SMCO2: variants seen among roughly 807,000 people sequenced by gnomAD.
The protein encoded by SMCO2 is single-pass membrane protein with coiled-coil domains 2.
In SMCO2, 25 loss-of-function variants were observed where a neutral mutation model predicts 29.5. That is an observed-to-expected ratio of 0.85 (90% CI 0.62 to 1.18). The LOEUF (loss-of-function observed/expected upper bound fraction) is 1.18, where lower values mean the gene tolerates loss of function less well. Ranked by LOEUF, SMCO2 falls within the 50% of genes most tolerant of loss-of-function variation. The probability of loss-of-function intolerance (pLI) is 0.00; values close to 1 mark genes in which losing one functional copy is unlikely to be tolerated. For synonymous variants in SMCO2, 117 were observed against 123.3 expected (o/e 0.95, Z 0.34); for missense variants, 348 against 344.5 (o/e 1.01, Z -0.08).
At chr12:27,472,975 G>A (rs545784938) in intron 3 of SMCO2, 100 bp downstream of exon 3, 5 of 871,630 alleles carry the variant, frequency 5.7e-6, no homozygotes, top group African/African-American at 5.1e-5. Context: ...GAAAATATCT[G>A]AGGGTTTTCT....
the SMCO2 span, among the ~76,000 whole-genome samples, chr12:27,427,501 CCTACCTA>C: frequency 6.6e-6 from 1 of 152,016 alleles, no homozygotes; most frequent in Non-Finnish European, 1.5e-5. Context: ...CCTCAGGAGG[CCTACCTA>C]CTTATTTTGC....
upstream of SMCO2, among the ~76,000 whole-genome samples, chr12:27,462,441 A>G (rs142093538): frequency 4.7e-3 from 713 of 152,336 alleles, 5 homozygotes; most frequent in Middle Eastern, 0.031. Flanking sequence ...ACAATGAATA[A>G]TATTCTCTTT....
chr12:27,477,217 T>G (rs1342659076), intron 4 of SMCO2, among the ~76,000 whole-genome samples: 2 of 115,494 alleles, frequency 1.7e-5, no homozygotes, highest in African/African-American at 9.5e-5. Context: ...CAGGTTTTTT[T>G]TTTTTTTTTT....
intron 3 of SMCO2, among the ~76,000 whole-genome samples, chr12:27,474,462 T>C (rs546264656): frequency 6.6e-6 from 1 of 152,274 alleles, no homozygotes; most frequent in African/African-American, 2.4e-5. Flanking sequence ...TTTTATGACA[T>C]TGATTTTTTT....
chr12:27,479,098 C>T (rs1271162946), intron 4 of SMCO2, among the ~76,000 whole-genome samples: 1 of 152,166 alleles, frequency 6.6e-6, no homozygotes, highest in Non-Finnish European at 1.5e-5. Context: ...ATGGGTGGAG[C>T]AAGTCAGTCC....
chr12:27,469,039 A>G (rs2135542484), intron 1 of SMCO2, among the ~76,000 whole-genome samples: 1 of 152,248 alleles, frequency 6.6e-6, no homozygotes, highest in African/African-American at 2.4e-5. Flanking sequence ...CTCTTGGGGG[A>G]GACATTGAGA....
At chr12:27,488,368 A>C in intron 4 of SMCO2, 92 bp from the exon 6 acceptor site, 1 of 785,778 alleles carries the variant, frequency 1.3e-6, no homozygotes, top group Non-Finnish European at 1.9e-6. Context: ...TTTATATGGG[A>C]ATGGTATTTC....
chr12:27,446,935 C>A, the SMCO2 span, among the ~76,000 whole-genome samples: 1 of 152,152 alleles, frequency 6.6e-6, no homozygotes, highest in African/African-American at 2.4e-5. Context: ...TAGAGATCCT[C>A]TTGAATTGTC....
At chr12:27,485,610 A>AT (rs961262504) in intron 4 of SMCO2, among the ~76,000 whole-genome samples, 2 of 151,462 alleles carry the variant, frequency 1.3e-5, no homozygotes, top group Non-Finnish European at 2.9e-5. Flanking sequence ...TACCTGATTA[A>AT]TTTTTTTAGT....
the SMCO2 span, among the ~76,000 whole-genome samples, chr12:27,435,839 G>T: frequency 6.6e-6 from 1 of 152,162 alleles, no homozygotes; most frequent in African/African-American, 2.4e-5. Flanking sequence ...CCTCAGTGAG[G>T]CAGCGTGGGG....
At chr12:27,431,098 CT>C in the SMCO2 span, among the ~76,000 whole-genome samples, 1 of 151,944 alleles carries the variant, frequency 6.6e-6, no homozygotes, top group Non-Finnish European at 1.5e-5. Flanking sequence ...TTACTGCAAC[CT>C]CCGCCTCCTG....
At chr12:27,449,396 G>GTTGACATACTTT in the SMCO2 span, among the ~76,000 whole-genome samples, 1 of 152,148 alleles carries the variant, frequency 6.6e-6, no homozygotes, top group African/African-American at 2.4e-5. Flanking sequence ...ATAGGAACAA[G>GTTGACATACTTT]TTGACATACT....
At chr12:27,447,980 G>A in the SMCO2 span, among the ~76,000 whole-genome samples, 1 of 152,134 alleles carries the variant, frequency 6.6e-6, no homozygotes, top group Non-Finnish European at 1.5e-5. Context: ...AGAGCCAAGT[G>A]GCCTGCAAGC....
At chr12:27,472,520 A>G (rs773315331) in intron 2 of SMCO2, among the ~76,000 whole-genome samples, 2 of 152,184 alleles carry the variant, frequency 1.3e-5, no homozygotes, top group Non-Finnish European at 2.9e-5. Flanking sequence ...CAGAACTGCA[A>G]TTACTTTGGA....
intron 6 of SMCO2, 144 bp downstream of exon 7, chr12:27,494,500 TTA>T (rs1942973721): frequency 5.4e-5 from 11 of 204,288 alleles, no homozygotes; most frequent in Non-Finnish European, 7.7e-5. Context: ...ATTATTATTA[TTA>T]TTATTATTAT....
chr12:27,478,617 G>A (rs902325154), intron 4 of SMCO2, among the ~76,000 whole-genome samples: 17 of 152,144 alleles, frequency 1.1e-4, no homozygotes, highest in Non-Finnish European at 1.9e-4. Context: ...AGTGATGGCG[G>A]CAGCTGTAGG....
the SMCO2 span, among the ~76,000 whole-genome samples, chr12:27,456,707 T>C: frequency 6.6e-6 from 1 of 152,190 alleles, no homozygotes; most frequent in South Asian, 2.1e-4. Context: ...CCCCAAACTT[T>C]TACGTGAAAC....
the SMCO2 span, among the ~76,000 whole-genome samples, chr12:27,459,267 C>G: frequency 6.6e-6 from 1 of 151,476 alleles, no homozygotes; most frequent in Admixed American, 6.6e-5. Flanking sequence ...CCACAGACTA[C>G]TACATAGCCA....
chr12:27,485,252 T>A lies in SMCO2; in HGVS notation c.363-3208T>A, dbSNP rs137944257. On this transcript the variant is annotated intron_variant, in intron 4 of 7. Transcript: ENST00000298876. Reference sequence around the variant, plus strand: ...AACATTAATCCCCTCCAGTGTATTTTTCATCTCAGACACTGTAGTTTGTGT... The same window carrying A: ...AACATTAATCCCCTCCAGTGTATTTATCATCTCAGACACTGTAGTTTGTGT... Among the ~76,000 whole-genome samples, 437 of 152,112 alleles carry A rather than the reference T, an allele frequency of 2.9e-3. 2 individuals are homozygous for A. Among genetic ancestry groups the A allele is most frequent in the Non-Finnish European group, 4.3e-3 (289 of 67,994 alleles).
Sources: allele counts gnomAD v4.1 joint callset (sites outside exome capture counted in the v4.1 genomes callset), GRCh38; gene constraint gnomAD v4.1.1; transcripts MANE v1.5; gene names NCBI Gene and HGNC (gene_info 2026-07-23, HGNC 2026-07-21).